GRM7: variants seen among roughly 807,000 people sequenced by gnomAD.
GRM7 encodes metabotropic glutamate receptor 7.
Under a neutral mutation model 84.5 loss-of-function variants are expected in GRM7, and 35 were observed. The observed-to-expected ratio is 0.41, with a 90% CI of 0.32 to 0.55. The LOEUF is 0.55. Ranked by LOEUF, GRM7 falls within the 20% of genes least tolerant of loss-of-function variation. The pLI, the probability that GRM7 is intolerant of heterozygous loss-of-function variation, is 0.19. For missense variants in GRM7, 1,003 were observed against 1,194.6 expected (o/e 0.84, Z 2.36); for synonymous variants, 487 against 455.1 (o/e 1.07, Z -0.89).
intron 8 of GRM7, among the ~76,000 whole-genome samples, chr3:7,583,983 A>C (rs1204418312): frequency 6.6e-6 from 1 of 152,204 alleles, no homozygotes; most frequent in South Asian, 2.1e-4. Flanking sequence ...GAAATATGAT[A>C]GTTGTCGCAC....
chr3:7,157,737 C>G (rs1694499669), intron 2 of GRM7, among the ~76,000 whole-genome samples: 1 of 150,832 alleles, frequency 6.6e-6, no homozygotes, highest in South Asian at 2.1e-4. Context: ...TTTAACAATC[C>G]CCAAATTCCT....
At chr3:7,024,928 G>A (rs971095872) in intron 1 of GRM7, among the ~76,000 whole-genome samples, 5 of 152,202 alleles carry the variant, frequency 3.3e-5, no homozygotes, top group African/African-American at 4.8e-5. Context: ...TTATCTCACT[G>A]GAGGTTAGAA....
At chr3:7,086,653 T>A (rs920506152) in intron 1 of GRM7, among the ~76,000 whole-genome samples, 4 of 152,208 alleles carry the variant, frequency 2.6e-5, no homozygotes, top group Non-Finnish European at 5.9e-5. Context: ...GTTCATCTTT[T>A]TTTCCCAAGA....
intron 2 of GRM7, among the ~76,000 whole-genome samples, chr3:7,164,646 T>C (rs149225463): frequency 4.1e-4 from 63 of 152,326 alleles, no homozygotes; most frequent in African/African-American, 1.3e-3. Context: ...TCAGACAATA[T>C]TTTCTGGTTG....
intron 1 of GRM7, among the ~76,000 whole-genome samples, chr3:6,934,541 GTA>G (rs1697621124): frequency 2.6e-5 from 4 of 152,146 alleles, no homozygotes; most frequent in African/African-American, 9.7e-5. Context: ...TAGAATGAGT[GTA>G]TATGAGTATT....
At chr3:7,643,751 A>G (rs928809828) in intron 8 of GRM7, among the ~76,000 whole-genome samples, 14 of 152,190 alleles carry the variant, frequency 9.2e-5, no homozygotes, top group Non-Finnish European at 2.1e-4. Context: ...TAATATCACT[A>G]TCATCATCAC....
At chr3:7,440,515 G>T (rs931451320) in intron 5 of GRM7, among the ~76,000 whole-genome samples, 1 of 152,082 alleles carries the variant, frequency 6.6e-6, no homozygotes, top group African/African-American at 2.4e-5. Flanking sequence ...ATTTTAATTT[G>T]AGTTTAGTTT....
intron 2 of GRM7, among the ~76,000 whole-genome samples, chr3:7,243,935 G>A (rs1697658971): frequency 6.6e-6 from 1 of 152,116 alleles, no homozygotes; most frequent in Non-Finnish European, 1.5e-5. Context: ...GAAAGGTACA[G>A]TGAAAATATA....
chr3:7,070,046 G>A lies in GRM7; in HGVS notation c.520-76406G>A, dbSNP rs530502831. ...AGCAGATGGATGAGGTGGAGGAAGA[G>A]AATTCATCCTCATCCTTTGACAAAT... On this transcript the variant is annotated intron_variant, in intron 1 of 9. Transcript: ENST00000357716. Among the ~76,000 whole-genome samples the A allele has an allele frequency of 1.3e-3, 198 of 152,186 alleles. 1 individual carries two copies. Among genetic ancestry groups the A allele is most frequent in the African/African-American group, 4.6e-3 (193 of 41,566 alleles).
chr3:6,906,041 T>C (rs1696562996), intron 1 of GRM7, among the ~76,000 whole-genome samples: 1 of 152,186 alleles, frequency 6.6e-6, no homozygotes, highest in African/African-American at 2.4e-5. Context: ...AGCAATCACT[T>C]GACAATTTGG....
At chr3:6,873,849 G>T (rs1003244770) in intron 1 of GRM7, among the ~76,000 whole-genome samples, 1 of 152,190 alleles carries the variant, frequency 6.6e-6, no homozygotes, top group Non-Finnish European at 1.5e-5. Flanking sequence ...ACAATCCCTG[G>T]TTGAAGAAGG....
intron 1 of GRM7, among the ~76,000 whole-genome samples, chr3:7,086,552 T>A (rs984606281): frequency 4.6e-5 from 7 of 152,148 alleles, no homozygotes; most frequent in Non-Finnish European, 1.0e-4. Context: ...ACAAACTTAG[T>A]GATAGTTGCT....
At chr3:7,560,840 TA>T (rs1693989923) in intron 7 of GRM7, among the ~76,000 whole-genome samples, 1 of 152,170 alleles carries the variant, frequency 6.6e-6, no homozygotes. Flanking sequence ...GTTTAACACT[TA>T]TTATAATACA....
intron 4 of GRM7, among the ~76,000 whole-genome samples, chr3:7,366,087 G>A (rs1575226314): frequency 6.6e-6 from 1 of 151,790 alleles, no homozygotes; most frequent in East Asian, 1.9e-4. Flanking sequence ...TCATTGGAAT[G>A]GAGGGAGCTA....
In GRM7 at chr3:7,650,875, A is replaced by G. The variant is rs538366678; in HGVS notation, c.2452-29174A>G. 5.3e-5 allele frequency among the ~76,000 whole-genome samples: 8 copies of G among 152,278 alleles called. No individual in the cohort carries two copies. In the South Asian group the frequency reaches 1.7e-3, roughly 32 times the overall value. On this transcript the variant is annotated intron_variant, in intron 8 of 9. Coordinates refer to ENST00000357716, the MANE Select transcript of GRM7 (RefSeq NM_000844.4). ...TGGGATTACAGGCATGAGCCACTGC[A>G]TCCGGCTTGCCTCATTCTAAAAAAG...
rs78080957 is a variant in GRM7 at position 6,862,560 on chromosome 3, C to T, written c.519+653C>T. On this transcript the variant is annotated intron_variant, in intron 1 of 9. Coordinates refer to ENST00000357716, the MANE Select transcript of GRM7 (RefSeq NM_000844.4). The surrounding 1 kb of genome is among the most constrained non-coding windows in gnomAD (Gnocchi z 5.2). ...AGATGCTGCCCGCAGACGTGACCCC[C>T]GGTTGGTTTGCTCCGGGCAATATTT... Among the ~76,000 whole-genome samples the T allele has an allele frequency of 0.017, 2,638 of 152,284 alleles. 35 individuals carry two copies. Among genetic ancestry groups the T allele is most frequent in the Non-Finnish European group, 0.027 (1,858 of 68,016 alleles).
chr3:7,275,757 G>T (rs1365289168), intron 2 of GRM7, among the ~76,000 whole-genome samples: 1 of 152,136 alleles, frequency 6.6e-6, no homozygotes, highest in Non-Finnish European at 1.5e-5. Flanking sequence ...CCCACTCCCA[G>T]ATGGAGACAT....
intron 1 of GRM7, among the ~76,000 whole-genome samples, chr3:6,906,530 TTC>T (rs1165026463): frequency 6.6e-6 from 1 of 152,152 alleles, no homozygotes; most frequent in Admixed American, 6.6e-5. Flanking sequence ...CAACCTCCAA[TTC>T]TCTCTTTCCA....
intron 2 of GRM7, among the ~76,000 whole-genome samples, chr3:7,265,586 C>A (rs1698606950): frequency 6.6e-6 from 1 of 152,078 alleles, no homozygotes; most frequent in Admixed American, 6.6e-5. Flanking sequence ...AAATTTCATC[C>A]ACAAAAATGC....
Sources: allele counts gnomAD v4.1 joint callset (sites outside exome capture counted in the v4.1 genomes callset), GRCh38; gene constraint gnomAD v4.1.1; non-coding constraint Gnocchi (gnomAD v3.1); transcripts MANE v1.5; gene names NCBI Gene and HGNC (gene_info 2026-07-23, HGNC 2026-07-21).